Variants in DNAH2 observed in about 807,000 individuals in gnomAD.
DNAH2 encodes dynein axonemal heavy chain 2.
Under a neutral mutation model 523.5 loss-of-function variants are expected in DNAH2, and 323 were observed. That is an observed-to-expected ratio of 0.62 (90% confidence interval 0.56 to 0.68). The LOEUF (loss-of-function observed/expected upper bound fraction) is 0.68, where lower values mean the gene tolerates loss of function less well. Among genes scored for constraint, DNAH2 ranks in the 30% least tolerant of loss-of-function variants. DNAH2 has a pLI of 0.00. For missense variants in DNAH2, 4,907 were observed against 5,701.5 expected (o/e 0.86, Z 4.49); for synonymous variants, 2,093 against 2,177.4 (o/e 0.96, Z 1.08).
chr17:7,742,779 G>GT, intron 11 of DNAH2, 149 bp from the exon 12 acceptor site: 1 of 481,646 alleles, frequency 2.1e-6, no homozygotes, highest in Non-Finnish European at 3.4e-6. Context: ...TTCCTTCTAA[G>GT]TTATCAAAAC....
At position 7,824,539 on chromosome 17, in the gene DNAH2, C is replaced by A; in HGVS notation, c.11665C>A (p.His3889Asn). 1.3e-6 allele frequency: 2 copies of A among 1,556,712 alleles called. No homozygotes were observed. Residue 3889 changes from histidine to asparagine, a missense_variant and splice_region_variant, in exon 77 of 86, where the codon CAC becomes AAC. This residue lies in a region of DNAH2 where 1,851 missense variants were observed against 2,139.4 expected (regional missense o/e 0.87). Coordinates refer to ENST00000572933, the MANE Select transcript of DNAH2 (RefSeq NM_020877.5). ...RLLREGVTQGHWVFLANCHLS... is the reference protein window; with the variant it reads ...RLLREGVTQGNWVFLANCHLS... ...CTGACCCTGGCATCTCCTTGCAGGACACTGGGTGTTCCTGGCAAACTGCCA... is the reference window on the plus strand; with the variant it reads ...CTGACCCTGGCATCTCCTTGCAGGAAACTGGGTGTTCCTGGCAAACTGCCA...
rs200120575 is a variant in DNAH2, at chr17:7,831,330, C to A, written c.12459+16C>A. 47 of 1,613,910 alleles carry A rather than the reference C, an allele frequency of 2.9e-5. No individual in the cohort carries two copies. In the Admixed American group the frequency reaches 5.7e-4, roughly 19 times the overall value. ...GGAAGAGAAGGTAAAAAGAGCCGGG[C>A]CTGGGGGAGGGAAAGTGATGAGAAG... On this transcript the variant is annotated intron_variant, in intron 80 of 85. Coordinates refer to ENST00000572933, the MANE Select transcript of DNAH2 (RefSeq NM_020877.5). The surrounding 1 kb of genome is among the most constrained non-coding windows in gnomAD (Gnocchi z 4.2).
At chr17:7,801,272 C>A (rs1319198594) in intron 56 of DNAH2, among the ~76,000 whole-genome samples, 1 of 152,150 alleles carries the variant, frequency 6.6e-6, no homozygotes, top group Non-Finnish European at 1.5e-5. Flanking sequence ...ATCCCCCAAC[C>A]ATCCTAGTCA....
chr17:7,782,012 A>G (rs1169347010), intron 39 of DNAH2, among the ~76,000 whole-genome samples: 1 of 152,214 alleles, frequency 6.6e-6, no homozygotes, highest in East Asian at 1.9e-4. Flanking sequence ...TTTTTAATGC[A>G]TTGCTAAGCT....
rs1307152552 is a variant in DNAH2, at chr17:7,804,959, C to A, written c.9185C>A (p.Ala3062Asp). The change falls in exon 60 of 86, where the codon GCC (alanine) becomes GAC (aspartate). Residue 3062 changes from alanine to aspartate, a missense_variant and splice_region_variant. Coordinates refer to ENST00000572933, the MANE Select transcript of DNAH2 (RefSeq NM_020877.5). ...CCCTTGTCCTTTTTTCATCCCTAGG[C>A]CGTAACAGCCAACAGTGAAAAGATT... ...QKREADEQQKAVTANSEKIAV... is the reference protein window; with the variant it reads ...QKREADEQQKDVTANSEKIAV... 6.2e-7 allele frequency: 1 copy of A among 1,613,842 alleles called. No individual in the cohort carries two copies. The highest frequency in any genetic ancestry group is 1.7e-5 in the Admixed American group (1 of 60,014).
At chr17:7,811,887 G>A (rs2077528206) in intron 63 of DNAH2, among the ~76,000 whole-genome samples, 1 of 152,208 alleles carries the variant, frequency 6.6e-6, no homozygotes, top group African/African-American at 2.4e-5. Context: ...GGAAAAGGAT[G>A]TTGTTCCTCA....
rs1213723109 is a variant in DNAH2, at chr17:7,832,609, T to C, written c.12757T>C (p.Trp4253Arg). The change falls in exon 83 of 86, where the codon TGG becomes CGG. Residue 4253 changes from tryptophan (W) to arginine (R), a missense_variant. Trp to Arg is a moderately radical substitution (Grantham distance 101, BLOSUM62 -3). Transcript: ENST00000572933. This position sits in a 1 kb window ranked among gnomAD's most constrained non-coding sequence, Gnocchi z 4.3. The part of the protein sequence containing the change: ...AYPSQKPLAA[W>R]TRDLAMRVEQ... Reference sequence around the variant, plus strand: ...CCCCTCACAAAAGCCATTGGCTGCCTGGACCCGGGACTTGGCCATGCGTGT... The same window carrying C: ...CCCCTCACAAAAGCCATTGGCTGCCCGGACCCGGGACTTGGCCATGCGTGT... 6.2e-7 allele frequency: 1 copy of C among 1,614,064 alleles called. No homozygotes were observed. Among genetic ancestry groups the C allele is most frequent in the Non-Finnish European group, 8.5e-7 (1 of 1,180,052 alleles).
rs201154938 is a variant in DNAH2 at position 7,819,366 on chromosome 17, G to T, written c.10973G>T (p.Arg3658Leu). 6.2e-7 allele frequency: 1 copy of T among 1,614,234 alleles called. No homozygotes were observed. Among genetic ancestry groups the T allele is most frequent in the Admixed American group, 1.7e-5 (1 of 60,030 alleles). ...CACCGCAGCAATAAGCTGGAGGACC[G>T]CATTGACTACCTGAATGACTACCAC... ...KSHRSNKLED[R>L]IDYLNDYHTY... Residue 3658 changes from arginine (R) to leucine (L), a missense_variant, in exon 72 of 86, where the codon CGC becomes CTC. By Grantham distance (102) the Arg-to-Leu change is moderately radical. This residue lies in a region of DNAH2 where 1,851 missense variants were observed against 2,139.4 expected (regional missense o/e 0.87). Coordinates refer to ENST00000572933, the MANE Select transcript of DNAH2 (RefSeq NM_020877.5).
chr17:7,775,271 G>T lies in DNAH2; in HGVS notation c.4750G>T (p.Val1584Leu). 1 of 1,613,618 alleles carries T rather than the reference G, an allele frequency of 6.2e-7. No individual in the cohort carries two copies. Among genetic ancestry groups the T allele is most frequent in the South Asian group, 1.1e-5 (1 of 90,878 alleles). Residue 1584 changes from valine (V) to leucine (L), a missense_variant, in exon 30 of 86, where the codon GTG becomes TTG. By Grantham distance (32) the Val-to-Leu change is conservative (BLOSUM62 1). Transcript: ENST00000572933. ...VGGPSSKWEA[V>L]GMFSGDGEYI... Reference sequence around the variant, plus strand: ...AGGGCCCAGCAGCAAATGGGAAGCTGTGGGGATGTTCTCGGGCGACGGCGA... The same window carrying T: ...AGGGCCCAGCAGCAAATGGGAAGCTTTGGGGATGTTCTCGGGCGACGGCGA...
chr17:7,761,528 G>C (rs978961892), intron 18 of DNAH2, among the ~76,000 whole-genome samples: 7 of 149,000 alleles, frequency 4.7e-5, no homozygotes, highest in African/African-American at 1.5e-4. Flanking sequence ...TTTTGAGACA[G>C]AGTCTCACTC....
At position 7,760,906 on chromosome 17, in the gene DNAH2, CTCT is replaced by C; in HGVS notation, c.2957_2959del (p.Ser986del). On this transcript the variant is annotated inframe_deletion, in exon 18 of 86. Coordinates refer to ENST00000572933, the MANE Select transcript of DNAH2 (RefSeq NM_020877.5). The surrounding 1 kb of genome is among the most constrained non-coding windows in gnomAD (Gnocchi z 4.0). ...GCTACCAGCGCCTCAACCCTCCTGT[CTCT>C]TCTTTTGTTGCCGACATTGCCCGGT... 6 of 1,614,142 alleles carry C rather than the reference CTCT, an allele frequency of 3.7e-6. No individual in the cohort carries two copies. The highest frequency in any genetic ancestry group is 5.1e-6 in the Non-Finnish European group (6 of 1,180,010).
At chr17:7,748,080 T>C (rs930027305) in intron 12 of DNAH2, among the ~76,000 whole-genome samples, 3 of 152,266 alleles carry the variant, frequency 2.0e-5, no homozygotes, top group South Asian at 2.1e-4. Flanking sequence ...CTAATAGCAC[T>C]GATTTAATCC....
At chr17:7,796,134 C>T (rs539601766) in intron 49 of DNAH2, among the ~76,000 whole-genome samples, 104 of 149,960 alleles carry the variant, frequency 6.9e-4, no homozygotes, top group African/African-American at 2.3e-3. Context: ...CCGCAACCTC[C>T]GCCTCCTGGG....
chr17:7,825,575 C>T (rs2077996165), intron 77 of DNAH2, among the ~76,000 whole-genome samples: 1 of 152,200 alleles, frequency 6.6e-6, no homozygotes, highest in African/African-American at 2.4e-5. Context: ...GTTTCTTTTT[C>T]CTCTGCCTGT....
In DNAH2 at chr17:7,792,058, T is replaced by A. The variant is rs1398031474; in HGVS notation, c.7042T>A (p.Phe2348Ile). ...DSYLREIEGS[F>I]PNKDTVYEYF... ...CTACCTCCGAGAGATCGAGGGCTCC[T>A]TTCCCAATAAGGTTGGGCGCACACC... Residue 2348 changes from phenylalanine (F) to isoleucine (I), a missense_variant, in exon 45 of 86, where the codon TTT becomes ATT. Phe to Ile is a conservative substitution (Grantham distance 21). Transcript: ENST00000572933. 6.2e-7 allele frequency: 1 copy of A among 1,613,408 alleles called. No individual in the cohort carries two copies. Among genetic ancestry groups the A allele is most frequent in the East Asian group, 2.2e-5 (1 of 44,856 alleles).
intron 63 of DNAH2, among the ~76,000 whole-genome samples, chr17:7,813,310 C>T (rs1165838348): frequency 6.6e-6 from 1 of 151,366 alleles, no homozygotes; most frequent in Non-Finnish European, 1.5e-5. Context: ...GCTACGGTCT[C>T]AAACTTCTGG....
intron 74 of DNAH2, 88 bp from the exon 75 acceptor site, chr17:7,823,746 G>C (rs772922678): frequency 7.5e-5 from 119 of 1,580,892 alleles, no homozygotes; most frequent in Non-Finnish European, 9.9e-5. Context: ...CTGGCCCGGA[G>C]CACATTCCCG....
chr17:7,822,870 T>G (rs1351217226), intron 73 of DNAH2, among the ~76,000 whole-genome samples: 1 of 152,162 alleles, frequency 6.6e-6, no homozygotes, highest in South Asian at 2.1e-4. Context: ...GTTGGAGACA[T>G]TATTACCAGG....
At chr17:7,819,453 C>T (rs1158532348) in intron 72 of DNAH2, 45 bp downstream of exon 72, 15 of 1,609,002 alleles carry the variant, frequency 9.3e-6, no homozygotes, top group Non-Finnish European at 1.2e-5. Flanking sequence ...GGCCGAGTGG[C>T]TGTGGTTCTT....
Sources: allele counts gnomAD v4.1 joint callset (sites outside exome capture counted in the v4.1 genomes callset), GRCh38; gene constraint gnomAD v4.1.1; regional missense constraint gnomAD v4.1.1; non-coding constraint Gnocchi (gnomAD v3.1); transcripts MANE v1.5; gene names NCBI Gene and HGNC (gene_info 2026-07-23, HGNC 2026-07-21).